The following DOK6 variants were observed in gnomAD, a reference collection of about 807,000 sequenced individuals.
The protein encoded by DOK6 is downstream of tyrosine kinase 6.
In DOK6, 22 loss-of-function variants were observed where a neutral mutation model predicts 44.0. That is an observed-to-expected ratio of 0.50 (90% CI 0.36 to 0.71). The LOEUF (loss-of-function observed/expected upper bound fraction) is 0.71, where lower values mean the gene tolerates loss of function less well. DOK6 is among the 30% of genes least tolerant of loss of function. The pLI is 0.00. For missense variants in DOK6, 340 were observed against 416.4 expected (o/e 0.82, Z 1.60); for synonymous variants, 166 against 145.5 (o/e 1.14, Z -1.01).
At chr18:69,583,368 T>C (rs1438785971) in intron 2 of DOK6, among the ~76,000 whole-genome samples, 1 of 152,214 alleles carries the variant, frequency 6.6e-6, no homozygotes, top group Non-Finnish European at 1.5e-5. Context: ...CCTGATATCA[T>C]CTGTTTTGTT....
intron 7 of DOK6, among the ~76,000 whole-genome samples, chr18:69,840,355 G>A (rs1273961628): frequency 1.3e-5 from 2 of 152,134 alleles, no homozygotes; most frequent in Non-Finnish European, 2.9e-5. Flanking sequence ...TTAGATACAA[G>A]TCATTCTCAA....
chr18:69,714,188 C>T (rs1277017279), intron 5 of DOK6, among the ~76,000 whole-genome samples: 1 of 152,204 alleles, frequency 6.6e-6, no homozygotes, highest in Non-Finnish European at 1.5e-5. Context: ...CTATGGTAAA[C>T]AGACGTACAG....
chr18:69,812,101 T>G (rs1981257877), intron 7 of DOK6, among the ~76,000 whole-genome samples: 1 of 152,144 alleles, frequency 6.6e-6, no homozygotes, highest in African/African-American at 2.4e-5. Flanking sequence ...AATAGAATGT[T>G]AAAGAGTGCT....
chr18:69,712,480 C>T (rs1986788543), intron 5 of DOK6, among the ~76,000 whole-genome samples: 1 of 152,128 alleles, frequency 6.6e-6, no homozygotes, highest in South Asian at 2.1e-4. Flanking sequence ...GGTGAAAGAA[C>T]ACCTAGACAG....
chr18:69,690,638 G>A (rs1986244172), intron 4 of DOK6, among the ~76,000 whole-genome samples: 1 of 152,110 alleles, frequency 6.6e-6, no homozygotes, highest in Non-Finnish European at 1.5e-5. Flanking sequence ...AGCATTTCAA[G>A]TAACTATTAA....
intron 7 of DOK6, among the ~76,000 whole-genome samples, chr18:69,811,521 C>T (rs1981225206): frequency 8.0e-6 from 1 of 124,594 alleles, no homozygotes; most frequent in Non-Finnish European, 1.6e-5. Context: ...TTTAACCATT[C>T]CATTATATAT....
At chr18:69,538,515 G>T (rs1982181498) in intron 1 of DOK6, among the ~76,000 whole-genome samples, 1 of 151,986 alleles carries the variant, frequency 6.6e-6, no homozygotes, top group Non-Finnish European at 1.5e-5. Context: ...CAAAGTAGCT[G>T]GGACTACAGG....
chr18:69,788,839 C>T (rs1313413866), intron 7 of DOK6, among the ~76,000 whole-genome samples: 1 of 152,090 alleles, frequency 6.6e-6, no homozygotes, highest in African/African-American at 2.4e-5. Flanking sequence ...GGTCCAGCTG[C>T]CCTGTGTTTT....
intron 7 of DOK6, among the ~76,000 whole-genome samples, chr18:69,775,635 A>G (rs1438974503): frequency 6.6e-6 from 1 of 151,646 alleles, no homozygotes; most frequent in African/African-American, 2.4e-5. Flanking sequence ...AAAAAAGAGT[A>G]AATAAATATT....
chr18:69,763,016 T>A (rs866324016), intron 7 of DOK6, among the ~76,000 whole-genome samples: 2 of 152,152 alleles, frequency 1.3e-5, no homozygotes, highest in African/African-American at 2.4e-5. Flanking sequence ...CCCTCCTCAA[T>A]TGGAGAATAA....
rs1419094490 is a variant in DOK6 at position 69,425,270 on chromosome 18, T to C, written c.66+23960T>C. Among the ~76,000 whole-genome samples, 11 of 152,032 alleles carry C rather than the reference T, an allele frequency of 7.2e-5. No homozygotes were observed. In the East Asian group the frequency reaches 2.1e-3, roughly 29 times the overall value. ...TTTATTATATATATTTATGTTTATA[T>C]AATAATTTTTTCTTTTCCCACTATC... On this transcript the variant is annotated intron_variant, in intron 1 of 7. Transcript: ENST00000382713.
intron 3 of DOK6, among the ~76,000 whole-genome samples, chr18:69,648,057 A>G (rs1304824512): frequency 6.6e-6 from 1 of 152,188 alleles, no homozygotes; most frequent in Non-Finnish European, 1.5e-5. Context: ...TATAATCATC[A>G]TGAAGCCTGG....
At chr18:69,671,639 T>G (rs12966671) in intron 3 of DOK6, among the ~76,000 whole-genome samples, 65,415 of 151,996 alleles carry the variant, frequency 0.43, 14,643 homozygotes, top group East Asian at 0.72. Flanking sequence ...TGTCAGGTAG[T>G]GCTCTGTTTC....
At chr18:69,759,922 C>T (rs1187463559) in intron 7 of DOK6, among the ~76,000 whole-genome samples, 2 of 152,072 alleles carry the variant, frequency 1.3e-5, no homozygotes, top group African/African-American at 4.8e-5. Flanking sequence ...ATGTATTCAA[C>T]GGAAGTTACG....
chr18:69,828,018 T>A (rs1030788670), intron 7 of DOK6, among the ~76,000 whole-genome samples: 3 of 151,998 alleles, frequency 2.0e-5, no homozygotes, highest in Non-Finnish European at 4.4e-5. Flanking sequence ...TTTAAATAGC[T>A]CACTTTATGG....
chr18:69,430,982 C>T (rs1438228518), intron 1 of DOK6, among the ~76,000 whole-genome samples: 1 of 152,074 alleles, frequency 6.6e-6, no homozygotes, highest in African/African-American at 2.4e-5. Flanking sequence ...AAGAAGATTA[C>T]TAATGTTTTC....
intron 5 of DOK6, among the ~76,000 whole-genome samples, chr18:69,702,329 C>T (rs1198656521): frequency 6.6e-6 from 1 of 152,110 alleles, no homozygotes; most frequent in East Asian, 1.9e-4. Context: ...GGTTTTTAGA[C>T]AACAAGGTCT....
chr18:69,471,303 C>T (rs1329674974), intron 1 of DOK6, among the ~76,000 whole-genome samples: 1 of 139,252 alleles, frequency 7.2e-6, no homozygotes, highest in Non-Finnish European at 1.5e-5. Context: ...AGATGAAGGG[C>T]AGCGAGGAGG....
rs552358010 is a variant in DOK6 at position 69,779,379 on chromosome 18, CAG to C, written c.856+21510_856+21511del. The stretch of plus-strand genomic sequence containing the variant: ...CCTGCACGCTCACTAGATATCAAAG[CAG>C]AGACTATCTCCACCTCCTCCAGTAC... On this transcript the variant is annotated intron_variant, in intron 7 of 7. Transcript: ENST00000382713. Among the ~76,000 whole-genome samples, 18 of 152,010 alleles carry C rather than the reference CAG, an allele frequency of 1.2e-4. No homozygotes were observed. The South Asian group carries it at 3.7e-3, about 32-fold the overall frequency.
Sources: gnomAD v4.1 joint callset for allele counts (sites outside exome capture counted in the v4.1 genomes callset) on GRCh38, gnomAD v4.1.1 for gene constraint, MANE v1.5 for transcripts, NCBI Gene and HGNC (gene_info 2026-07-23, HGNC 2026-07-21) for gene names.